DCAF6: variants seen among roughly 807,000 people sequenced by gnomAD.
DCAF6 encodes the protein DDB1 and CUL4 associated factor 6, also known as DDB1- and CUL4-associated factor 6.
DCAF6 carries 54 observed loss-of-function variants against 125.1 expected under a neutral mutation model. The ratio of observed to expected loss-of-function variants is 0.43; its 90% CI spans 0.35 to 0.54. The LOEUF is 0.54. Ranked by LOEUF, DCAF6 falls within the 20% of genes least tolerant of loss-of-function variation. DCAF6 has a pLI of 0.01. For missense variants in DCAF6, 934 were observed against 1,161.7 expected, an observed-to-expected ratio of 0.80 and a Z score of 2.85; for synonymous variants, 371 against 390.4, an observed-to-expected ratio of 0.95 and a Z score of 0.58.
intron 1 of DCAF6, among the ~76,000 whole-genome samples, chr1:167,940,997 T>G (rs569657964): frequency 3.9e-5 from 6 of 152,152 alleles, no homozygotes; most frequent in Non-Finnish European, 5.9e-5. Context: ...TAATTTTGCG[T>G]GTCGATTACT....
At position 167,955,435 on chromosome 1, in the gene DCAF6, T is replaced by C. The variant is rs186928711; in HGVS notation, c.159+3574T>C. On this transcript the variant is annotated intron_variant, in intron 2 of 21. Coordinates refer to ENST00000367840, the MANE Select transcript of DCAF6 (RefSeq NM_001198956.2). ...GGTCCATGTCCTCACCAGCATTTGG[T>C]GTGGTCAGTTTTTTTTTTTTTTAAA... Among the ~76,000 whole-genome samples the C allele has an allele frequency of 2.1e-4, 32 of 151,698 alleles. No homozygotes were observed. In the East Asian group the frequency reaches 4.6e-3, roughly 22 times the overall value.
At chr1:167,938,266 G>T (rs1671652243) in intron 1 of DCAF6, among the ~76,000 whole-genome samples, 1 of 115,400 alleles carries the variant, frequency 8.7e-6, no homozygotes, top group African/African-American at 4.9e-5. Context: ...TGGGGTGTGT[G>T]TGTGTTTGTG....
At chr1:167,932,395 C>T (rs539559632), upstream of DCAF6, among the ~76,000 whole-genome samples, 12 of 152,322 alleles carry the variant, frequency 7.9e-5, no homozygotes, top group South Asian at 2.1e-3. Flanking sequence ...TTTCTTCCTA[C>T]ATTCCAGTGT....
chr1:168,035,446 C>CAAAACA (rs1037048890), intron 12 of DCAF6, among the ~76,000 whole-genome samples: 1 of 152,128 alleles, frequency 6.6e-6, no homozygotes, highest in Admixed American at 6.6e-5. Flanking sequence ...GACTCTGTCT[C>CAAAACA]AAAACAAAAA....
At chr1:167,925,440 CACATATATATAT>C in the DCAF6 span, among the ~76,000 whole-genome samples, 1 of 49,660 alleles carries the variant, frequency 2.0e-5, no homozygotes, top group Non-Finnish European at 3.8e-5. Context: ...TATACATATA[CACATATATATAT>C]ATATATATAT....
chr1:167,992,252 T>TACACACACACAC lies in DCAF6; in HGVS notation c.688+933_689-943dup, dbSNP rs761598229. On this transcript the variant is annotated intron_variant, in intron 6 of 21. Transcript: ENST00000367840. Reference sequence around the variant, plus strand: ...TTTTTCAGTAAAGGAAGGCCAGGATTACACACACACACACACACACACACA... The same window carrying TACACACACACAC: ...TTTTTCAGTAAAGGAAGGCCAGGATTACACACACACACACACACACACACACACACACACACA... 4.4e-3 allele frequency among the ~76,000 whole-genome samples: 629 copies of TACACACACACAC among 143,166 alleles called. 3 individuals carry two copies. Among genetic ancestry groups the TACACACACACAC allele is most frequent in the Middle Eastern group, 7.5e-3 (2 of 266 alleles). The allele number at this position is 143,166 out of a possible 152,430, so 93.9% of individuals were successfully genotyped here. A position where few individuals can be genotyped will look rare whatever the true frequency, so the allele number is the denominator to read the frequency against.
At chr1:167,964,795 AGAGATTGTT>A (rs1676147316) in intron 2 of DCAF6, among the ~76,000 whole-genome samples, 2 of 152,098 alleles carry the variant, frequency 1.3e-5, no homozygotes, top group Admixed American at 6.5e-5. Context: ...CCTCAAGGTC[AGAGATTGTT>A]TCCTCAATTG....
At chr1:167,923,150 A>G in the DCAF6 span, among the ~76,000 whole-genome samples, 1 of 152,326 alleles carries the variant, frequency 6.6e-6, no homozygotes, top group Middle Eastern at 3.4e-3. Context: ...AAAACAAAAA[A>G]TATTAAGCAG....
intron 12 of DCAF6, among the ~76,000 whole-genome samples, chr1:168,034,460 A>C (rs1454901959): frequency 6.6e-6 from 1 of 152,204 alleles, no homozygotes; most frequent in African/African-American, 2.4e-5. Flanking sequence ...ACAGTGAGCT[A>C]TGAAGGTGCC....
At chr1:168,011,483 G>A (rs1012168292) in intron 10 of DCAF6, among the ~76,000 whole-genome samples, 6 of 152,110 alleles carry the variant, frequency 3.9e-5, no homozygotes, top group Non-Finnish European at 7.4e-5. Flanking sequence ...GTCATAAACA[G>A]GAATTACAAA....
intron 16 of DCAF6, among the ~76,000 whole-genome samples, chr1:168,049,356 C>T (rs551448626): frequency 9.4e-4 from 143 of 152,026 alleles, no homozygotes; most frequent in Non-Finnish European, 1.5e-3. Flanking sequence ...GATCTTCCTC[C>T]CTCAGTCTCC....
At chr1:167,967,754 A>C in intron 3 of DCAF6, among the ~76,000 whole-genome samples, 2 of 111,034 alleles carry the variant, frequency 1.8e-5, no homozygotes, top group East Asian at 2.5e-4. Flanking sequence ...GCAAGGTCTC[A>C]CTCTGTCACC....
At chr1:168,023,199 A>AATTTGGTC in intron 12 of DCAF6, 152 bp downstream of exon 12, 1 of 782,118 alleles carries the variant, frequency 1.3e-6, no homozygotes, top group Non-Finnish European at 2.1e-6. Flanking sequence ...GTGGTATTGT[A>AATTTGGTC]CATAAAAGGT....
intron 4 of DCAF6, 74 bp downstream of exon 4, chr1:167,975,089 T>C (rs2102893156): frequency 1.1e-6 from 1 of 916,248 alleles, no homozygotes; most frequent in Non-Finnish European, 1.6e-6. Flanking sequence ...CATGTGTAGA[T>C]GCATGTGTGT....
intron 17 of DCAF6, among the ~76,000 whole-genome samples, chr1:168,060,492 A>G (rs905210889): frequency 2.0e-5 from 3 of 152,166 alleles, no homozygotes; most frequent in Admixed American, 2.0e-4. Context: ...GGCCTAGAGC[A>G]TACTTTTTAA....
chr1:168,051,344 A>G (rs1689913201), intron 17 of DCAF6, among the ~76,000 whole-genome samples: 1 of 152,224 alleles, frequency 6.6e-6, no homozygotes. Flanking sequence ...ATAACTAAAA[A>G]TGTACTTGAA....
At chr1:167,880,358 G>A in the DCAF6 span, 2 of 954,676 alleles carry the variant, frequency 2.1e-6, no homozygotes, top group Admixed American at 3.6e-5. Flanking sequence ...AGATGCGAAG[G>A]AGGAACAACA....
At chr1:168,063,157 C>T (rs1293511698) in intron 17 of DCAF6, among the ~76,000 whole-genome samples, 2 of 151,988 alleles carry the variant, frequency 1.3e-5, no homozygotes, top group Non-Finnish European at 2.9e-5. Context: ...ATCTTTAAAC[C>T]ACATTTTAAA....
At chr1:167,936,322 G>A (rs1411432810), upstream of DCAF6, 1 of 185,308 alleles carries the variant, frequency 5.4e-6, no homozygotes, top group Non-Finnish European at 1.1e-5. Flanking sequence ...TGATTAAGCA[G>A]GCCCGTAGTT....
Sources: gnomAD v4.1 joint callset for allele counts (sites outside exome capture counted in the v4.1 genomes callset) on GRCh38, gnomAD v4.1.1 for gene constraint, MANE v1.5 for transcripts, NCBI Gene and HGNC (gene_info 2026-07-23, HGNC 2026-07-21) for gene names.